Variants in GPR158 observed in about 807,000 individuals in gnomAD.
The protein encoded by GPR158 is metabotropic glycine receptor.
In GPR158, 30 loss-of-function variants were observed where a neutral mutation model predicts 78.2. That is an observed-to-expected ratio of 0.38 (90% confidence interval 0.29 to 0.52). The LOEUF (loss-of-function observed/expected upper bound fraction) is 0.52, where lower values mean the gene tolerates loss of function less well. Among genes scored for constraint, GPR158 ranks in the 20% least tolerant of loss-of-function variants. GPR158 has a pLI of 0.83. For missense variants in GPR158, 1,463 were observed against 1,523.5 expected, an observed-to-expected ratio of 0.96 and a Z score of 0.66; for synonymous variants, 581 against 591.1, an observed-to-expected ratio of 0.98 and a Z score of 0.25.
intron 2 of GPR158, among the ~76,000 whole-genome samples, chr10:25,270,121 A>G (rs1460060189): frequency 6.6e-6 from 1 of 152,220 alleles, no homozygotes; most frequent in Admixed American, 6.5e-5. Flanking sequence ...AATCTTCAAC[A>G]AAGTATAAAG....
At chr10:25,227,019 G>C (rs1564395939) in intron 2 of GPR158, among the ~76,000 whole-genome samples, 1 of 152,258 alleles carries the variant, frequency 6.6e-6, no homozygotes, top group East Asian at 1.9e-4. Flanking sequence ...TGTTTTTGGA[G>C]TTCTAAAGCC....
At chr10:25,355,771 T>A (rs987631612) in intron 2 of GPR158, among the ~76,000 whole-genome samples, 1 of 152,198 alleles carries the variant, frequency 6.6e-6, no homozygotes, top group East Asian at 1.9e-4. Context: ...CAGAGTGCTG[T>A]TTATTCTGAA....
At position 25,248,867 on chromosome 10, in the gene GPR158, A is replaced by G. The variant is rs28894756; in HGVS notation, c.1008+27710A>G. On this transcript the variant is annotated intron_variant, in intron 2 of 10. Transcript: ENST00000376351. ...TTCTGTGAAGAAAGTCATTGGTAGC[A>G]TGATGGGGATGGCATTGAATCTGTA... 6.3e-3 allele frequency among the ~76,000 whole-genome samples: 949 copies of G among 149,618 alleles called. 14 individuals carry two copies. The highest frequency in any genetic ancestry group is 0.023 in the African/African-American group (889 of 39,416).
chr10:25,421,960 A>G (rs921934370), intron 4 of GPR158, among the ~76,000 whole-genome samples: 3 of 152,180 alleles, frequency 2.0e-5, no homozygotes, highest in Non-Finnish European at 4.4e-5. Context: ...ATAATTGCTC[A>G]CTATTGGACC....
rs190667207 is a variant in GPR158, at chr10:25,582,686, C to T, written c.1754-6321C>T. The stretch of plus-strand genomic sequence containing the variant: ...AGTATTTCTGACCCAAGCTTGACAT[C>T]TCAGCATTCAAAATTGTTACTCCTG... On this transcript the variant is annotated intron_variant, in intron 7 of 10. Transcript: ENST00000376351. Among the ~76,000 whole-genome samples, 13 of 152,302 alleles carry T rather than the reference C, an allele frequency of 8.5e-5. No homozygotes were observed. In the East Asian group the frequency reaches 9.6e-4, roughly 11 times the overall value.
At chr10:25,258,998 G>A (rs947363221) in intron 2 of GPR158, among the ~76,000 whole-genome samples, 2 of 152,118 alleles carry the variant, frequency 1.3e-5, no homozygotes, top group African/African-American at 4.8e-5. Flanking sequence ...TATTCATTAA[G>A]TGGGAGTAGA....
intron 7 of GPR158, among the ~76,000 whole-genome samples, chr10:25,574,208 C>G (rs1356144162): frequency 2.2e-5 from 3 of 136,736 alleles, no homozygotes. Flanking sequence ...AAGCAGATAG[C>G]ATGGCCTATT....
chr10:25,598,351 G>T lies in GPR158; in HGVS notation c.2725G>T (p.Ala909Ser), dbSNP rs767899224. 6.2e-7 allele frequency: 1 copy of T among 1,614,070 alleles called. No individual in the cohort carries two copies. Among genetic ancestry groups the T allele is most frequent in the Admixed American group, 1.7e-5 (1 of 60,012 alleles). The change falls in exon 11 of 11, where the codon GCC (alanine) becomes TCC (serine). Residue 909 changes from alanine to serine, a missense_variant. Transcript: ENST00000376351. Reference protein sequence around the residue: ...LQKSLSVIASAKEKTLGLAGK... With the variant: ...LQKSLSVIASSKEKTLGLAGK... ...GAAGTCTCTCAGTGTCATAGCAAGCGCCAAGGAGAAGACTCTTGGATTAGC... is the reference window on the plus strand; with the variant it reads ...GAAGTCTCTCAGTGTCATAGCAAGCTCCAAGGAGAAGACTCTTGGATTAGC...
In GPR158 at chr10:25,430,990, A is replaced by G. The variant is rs1834894953; in HGVS notation, c.1335+18517A>G. 2.1e-5 allele frequency among the ~76,000 whole-genome samples: 3 copies of G among 145,996 alleles called. No individual in the cohort carries two copies. In the Admixed American group the frequency reaches 2.1e-4, roughly 10 times the overall value. Reference sequence around the variant, plus strand: ...GTCTAAAACACCAAAAGCAATGGCAACAAAAGCCAAAATTGACAAATGGGA... The same window carrying G: ...GTCTAAAACACCAAAAGCAATGGCAGCAAAAGCCAAAATTGACAAATGGGA... On this transcript the variant is annotated intron_variant, in intron 4 of 10. Transcript: ENST00000376351.
intron 4 of GPR158, among the ~76,000 whole-genome samples, chr10:25,422,847 C>T (rs1008446855): frequency 1.3e-5 from 1 of 76,800 alleles, no homozygotes; most frequent in Non-Finnish European, 3.4e-5. Context: ...CTTTTATTCC[C>T]TTACCCCCCC....
rs377658822 is a variant in GPR158, at chr10:25,412,338, C to T, written c.1200C>T (p.Pro400=). 64 of 1,613,636 alleles carry T rather than the reference C, an allele frequency of 4.0e-5. No individual in the cohort carries two copies. Among genetic ancestry groups the T allele is most frequent in the Non-Finnish European group, 5.1e-5 (60 of 1,179,608 alleles). ...GCCTACCTTGCAGGGAGGGCTGCCC[C>T]TTCTGTGCTGATGACAGCCCATGCT... The part of the protein sequence containing the change: ...YVCLPCREGC[P]FCADDSPCFV... Residue 400 remains proline (P), a synonymous_variant, in exon 4 of 11, where the codon CCC becomes CCT. Coordinates refer to ENST00000376351, the MANE Select transcript of GPR158 (RefSeq NM_020752.3).
At chr10:25,244,130 T>G (rs989531824) in intron 2 of GPR158, 1 of 152,210 alleles carries the variant, frequency 6.6e-6, no homozygotes, top group African/African-American at 2.4e-5. Context: ...TCTCATTATT[T>G]AATTGTCTAG....
chr10:25,586,447 A>T (rs991621589), intron 7 of GPR158, among the ~76,000 whole-genome samples: 2 of 128,030 alleles, frequency 1.6e-5, no homozygotes, highest in African/African-American at 6.2e-5. Flanking sequence ...TCTGTCACCC[A>T]GGCTGGAGTG....
chr10:25,299,695 G>A (rs1434810648), intron 2 of GPR158, among the ~76,000 whole-genome samples: 1 of 152,162 alleles, frequency 6.6e-6, no homozygotes, highest in East Asian at 1.9e-4. Context: ...CAATGAACAC[G>A]GGAGTGCAGA....
At chr10:25,358,298 G>C (rs1855581269) in intron 2 of GPR158, among the ~76,000 whole-genome samples, 1 of 152,042 alleles carries the variant, frequency 6.6e-6, no homozygotes, top group Admixed American at 6.6e-5. Flanking sequence ...TTGAGACTTT[G>C]GGGGACTGTT....
intron 2 of GPR158, among the ~76,000 whole-genome samples, chr10:25,281,248 AAG>A (rs1174526693): frequency 6.6e-6 from 1 of 151,882 alleles, no homozygotes; most frequent in African/African-American, 2.4e-5. Context: ...AAGAAAAAAA[AAG>A]AAATCAAAAT....
At chr10:25,472,406 A>C (rs551974094) in intron 5 of GPR158, among the ~76,000 whole-genome samples, 61 of 152,318 alleles carry the variant, frequency 4.0e-4, no homozygotes, top group African/African-American at 1.4e-3. Flanking sequence ...TGATGCCTCC[A>C]GCTTTGTTCT....
At chr10:25,562,554 GTTTAA>G (rs1836873353) in intron 6 of GPR158, among the ~76,000 whole-genome samples, 1 of 151,992 alleles carries the variant, frequency 6.6e-6, no homozygotes, top group Non-Finnish European at 1.5e-5. Context: ...AGAGTATTTT[GTTTAA>G]TGTTTACTTA....
intron 4 of GPR158, among the ~76,000 whole-genome samples, chr10:25,443,573 A>ATT (rs1368718092): frequency 9.7e-5 from 9 of 92,658 alleles, no homozygotes; most frequent in East Asian, 2.5e-4. Context: ...AAAAAAAAAA[A>ATT]TTTTTTTTTT....
Sources: gnomAD v4.1 joint callset for allele counts (sites outside exome capture counted in the v4.1 genomes callset) on GRCh38, gnomAD v4.1.1 for gene constraint, MANE v1.5 for transcripts, NCBI Gene and HGNC (gene_info 2026-07-23, HGNC 2026-07-21) for gene names.